ERBB4: variants seen among roughly 807,000 people sequenced by gnomAD.
ERBB4 encodes erb-b2 receptor tyrosine kinase 4, also known as receptor tyrosine-protein kinase erbB-4.
In ERBB4, 42 loss-of-function variants were observed where a neutral mutation model predicts 158.0. That is an observed-to-expected ratio of 0.27 (90% CI 0.21 to 0.34). The LOEUF is 0.34. Among genes scored for constraint, ERBB4 ranks in the 10% least tolerant of loss-of-function variants. The pLI, the probability that ERBB4 is intolerant of heterozygous loss-of-function variation, is 1.00. For missense variants in ERBB4, 1,333 were observed against 1,624.1 expected, an observed-to-expected ratio of 0.82 and a Z score of 3.08; for synonymous variants, 583 against 558.7, an observed-to-expected ratio of 1.04 and a Z score of -0.61.
In ERBB4 at chr2:211,378,213, C is replaced by G; in HGVS notation, c.*5402G>C. On this transcript the variant is annotated 3_prime_UTR_variant, in exon 28 of 28. Transcript: ENST00000342788. ...TCTTTGATTCCTAACAAGGTAATCA[C>G]TTACTTGCAAAGCTGACTGTCAAAG... 4.3e-6 allele frequency: 1 copy of G among 233,062 alleles called. No individual in the cohort carries two copies. 14.4% of individuals were successfully genotyped at this position (233,062 alleles called of 1,614,324 possible). A position where few individuals can be genotyped will look rare whatever the true frequency, so the allele number is the denominator to read the frequency against.
intron 1 of ERBB4, among the ~76,000 whole-genome samples, chr2:212,194,807 G>A (rs776169329): frequency 2.6e-5 from 4 of 151,878 alleles, no homozygotes; most frequent in South Asian, 2.1e-4. Context: ...CATGGTTCTC[G>A]AAAACAATAT....
chr2:211,712,680 C>T lies in ERBB4; in HGVS notation c.998-504G>A, dbSNP rs115798354. ...AGAGTTCTAATGATGTGAATTATAA[C>T]CAAAATCAAGGGCCATTCAAATATT... On this transcript the variant is annotated intron_variant, in intron 8 of 27. Transcript: ENST00000342788. Among the ~76,000 whole-genome samples, 1,144 of 151,982 alleles carry T rather than the reference C, an allele frequency of 7.5e-3. 20 individuals are homozygous for T. The highest frequency in any genetic ancestry group is 0.026 in the African/African-American group (1,059 of 41,480).
At chr2:211,424,440 T>G in intron 22 of ERBB4, 139 bp from the exon 23 acceptor site, 2 of 645,298 alleles carry the variant, frequency 3.1e-6, no homozygotes, top group South Asian at 1.8e-5. Context: ...GCTCCATAAA[T>G]TCCTGCATCC....
intron 2 of ERBB4, among the ~76,000 whole-genome samples, chr2:211,975,111 T>C (rs1456341561): frequency 6.6e-6 from 1 of 152,034 alleles, no homozygotes; most frequent in Non-Finnish European, 1.5e-5. Context: ...GTCTCCTGAG[T>C]AGCTGGGACT....
At chr2:211,591,189 A>C (rs1467189575) in intron 19 of ERBB4, among the ~76,000 whole-genome samples, 1 of 152,200 alleles carries the variant, frequency 6.6e-6, no homozygotes, top group East Asian at 1.9e-4. Context: ...TTACTTATTA[A>C]AATTAGATCC....
At chr2:211,533,267 C>G (rs7568740) in intron 20 of ERBB4, among the ~76,000 whole-genome samples, 110,587 of 151,668 alleles carry the variant, frequency 0.73, 40,516 homozygotes, top group East Asian at 0.83. Context: ...TTACTATTTT[C>G]CTGTTATGAA....
At position 211,851,580 on chromosome 2, in the gene ERBB4, G is replaced by A. The variant is rs916684851; in HGVS notation, c.422-63421C>T. On this transcript the variant is annotated intron_variant, in intron 3 of 27. Transcript: ENST00000342788. ...TTCTAAAATATGGTAACAAACATAT[G>A]TAAGTTGAAGAGCATATTTGCTGTA... 1.1e-4 allele frequency among the ~76,000 whole-genome samples: 17 copies of A among 151,988 alleles called. 1 individual carries two copies. Among genetic ancestry groups the A allele is most frequent in the Admixed American group, 9.9e-4 (15 of 15,228 alleles).
intron 3 of ERBB4, among the ~76,000 whole-genome samples, chr2:211,826,123 C>T (rs2077094866): frequency 6.6e-6 from 1 of 151,430 alleles, no homozygotes; most frequent in African/African-American, 2.4e-5. Context: ...ATAATCAACA[C>T]AAACACTAAA....
At chr2:211,401,069 G>T (rs1030003159) in intron 25 of ERBB4, among the ~76,000 whole-genome samples, 6 of 152,122 alleles carry the variant, frequency 3.9e-5, no homozygotes, top group Non-Finnish European at 7.4e-5. Context: ...CATTTAAAAT[G>T]ATTTTAAAGC....
chr2:211,760,051 AT>A (rs1375190514), intron 4 of ERBB4, among the ~76,000 whole-genome samples: 1 of 152,204 alleles, frequency 6.6e-6, no homozygotes, highest in Admixed American at 6.5e-5. Flanking sequence ...ATAAATACAT[AT>A]TTTTTAATGA....
At chr2:211,669,289 GAACTT>G (rs2071750108) in intron 14 of ERBB4, among the ~76,000 whole-genome samples, 1 of 127,552 alleles carries the variant, frequency 7.8e-6, no homozygotes, top group Non-Finnish European at 1.7e-5. Context: ...GAAAAAAAAA[GAACTT>G]AAACTTATTT....
chr2:211,648,251 T>C (rs935010305), intron 16 of ERBB4, among the ~76,000 whole-genome samples: 2 of 151,682 alleles, frequency 1.3e-5, no homozygotes, highest in Non-Finnish European at 3.0e-5. Context: ...CTTAGCCAGT[T>C]ACTCAGGACA....
At chr2:212,097,241 C>T (rs1437474322) in intron 2 of ERBB4, among the ~76,000 whole-genome samples, 1 of 151,976 alleles carries the variant, frequency 6.6e-6, no homozygotes. Flanking sequence ...GTACAGGATG[C>T]TGCAGAAGGG....
intron 19 of ERBB4, among the ~76,000 whole-genome samples, chr2:211,585,452 C>T (rs983383434): frequency 6.6e-6 from 1 of 151,460 alleles, no homozygotes; most frequent in East Asian, 1.9e-4. Flanking sequence ...AAATTGATTA[C>T]CAAATTAAAT....
At chr2:211,416,514 C>T (rs910464367) in intron 25 of ERBB4, among the ~76,000 whole-genome samples, 3 of 152,148 alleles carry the variant, frequency 2.0e-5, no homozygotes, top group Admixed American at 2.0e-4. Context: ...GGGAAGCAAA[C>T]CTCCTTATCT....
chr2:212,467,058 G>C (rs997779431), intron 1 of ERBB4, among the ~76,000 whole-genome samples: 2 of 152,138 alleles, frequency 1.3e-5, no homozygotes, highest in Admixed American at 6.6e-5. Context: ...AAATGATTTA[G>C]GGTATCTGGC....
chr2:212,534,218 TAATTC>T (rs1366105729), intron 1 of ERBB4, among the ~76,000 whole-genome samples: 2 of 152,366 alleles, frequency 1.3e-5, no homozygotes, highest in South Asian at 4.1e-4. Flanking sequence ...TAAGCCATCC[TAATTC>T]AATTTATTGT....
At chr2:212,168,405 C>T (rs943683710) in intron 1 of ERBB4, among the ~76,000 whole-genome samples, 1 of 152,030 alleles carries the variant, frequency 6.6e-6, no homozygotes, top group Non-Finnish European at 1.5e-5. Flanking sequence ...TTCAATGATG[C>T]TTATTTATGT....
chr2:211,735,513 C>T (rs73085037), intron 5 of ERBB4, among the ~76,000 whole-genome samples: 13,957 of 152,158 alleles, frequency 0.092, 1,870 homozygotes, highest in African/African-American at 0.29. Context: ...CGCCAAATAG[C>T]TAAAGTGATC....
Sources: gnomAD v4.1 joint callset for allele counts (sites outside exome capture counted in the v4.1 genomes callset) on GRCh38, gnomAD v4.1.1 for gene constraint, MANE v1.5 for transcripts, NCBI Gene and HGNC (gene_info 2026-07-23, HGNC 2026-07-21) for gene names.